Variants in KIAA0825 observed in about 807,000 individuals in gnomAD.
KIAA0825 encodes KIAA0825, also known as uncharacterized protein KIAA0825.
KIAA0825 carries 119 observed loss-of-function variants against 147.6 expected under a neutral mutation model. The observed-to-expected ratio is 0.81, with a 90% confidence interval of 0.69 to 0.94. KIAA0825 has a LOEUF of 0.94. KIAA0825 is among the 40% of genes least tolerant of loss of function. The pLI is 0.00. For missense variants in KIAA0825, 1,381 were observed against 1,472.7 expected (o/e 0.94, Z 1.02); for synonymous variants, 470 against 518.1 (o/e 0.91, Z 1.26).
rs552709459 is a variant in KIAA0825, at chr5:94,490,636, T to C, written c.971-5706A>G. ...TGCGCACAGATATTTACAAAACTGT[T>C]ACCCTACATTTTTAAAAAAGTCTTC... On this transcript the variant is annotated intron_variant, in intron 5 of 20. Transcript: ENST00000682413. 5.3e-5 allele frequency among the ~76,000 whole-genome samples: 8 copies of C among 151,990 alleles called. No homozygotes were observed. In the South Asian group the frequency reaches 1.7e-3, roughly 32 times the overall value.
chr5:94,241,284 T>C (rs573257243), intron 20 of KIAA0825, among the ~76,000 whole-genome samples: 1 of 152,310 alleles, frequency 6.6e-6, no homozygotes, highest in African/African-American at 2.4e-5. Flanking sequence ...CTGAAGCAAG[T>C]TTTAGGTTCC....
intron 5 of KIAA0825, chr5:94,519,869 T>C (rs1386402623): frequency 2.6e-5 from 15 of 566,692 alleles, no homozygotes; most frequent in African/African-American, 4.1e-5. Context: ...TATGTGCTTA[T>C]ATATATGCGT....
chr5:94,598,432 T>C (rs1192381531), intron 1 of KIAA0825, among the ~76,000 whole-genome samples: 1 of 152,066 alleles, frequency 6.6e-6, no homozygotes, highest in African/African-American at 2.4e-5. Flanking sequence ...TTCTGAAATA[T>C]TCTATAACAA....
At chr5:94,216,946 T>C (rs1374141495) in intron 20 of KIAA0825, among the ~76,000 whole-genome samples, 1 of 152,186 alleles carries the variant, frequency 6.6e-6, no homozygotes, top group African/African-American at 2.4e-5. Flanking sequence ...CATTTACACA[T>C]TTACTCCTTA....
chr5:94,513,089 T>C (rs1766734477), intron 5 of KIAA0825, among the ~76,000 whole-genome samples: 1 of 152,156 alleles, frequency 6.6e-6, no homozygotes, highest in African/African-American at 2.4e-5. Flanking sequence ...TATTGAATAG[T>C]TGCAAGATAA....
At chr5:94,439,853 C>T (rs1189828472) in intron 14 of KIAA0825, 129 bp downstream of exon 14, 2 of 953,696 alleles carry the variant, frequency 2.1e-6, no homozygotes, top group Admixed American at 6.1e-5. Flanking sequence ...CTGCTGCTAA[C>T]CCAGCTGAAT....
intron 20 of KIAA0825, among the ~76,000 whole-genome samples, chr5:94,205,268 CATATATATATATATATAT>C (rs5869623): frequency 4.4e-5 from 4 of 90,308 alleles, no homozygotes; most frequent in East Asian, 2.9e-4. Context: ...ACTATTTAAT[CATATATATATATATATAT>C]ATATATATAT....
chr5:94,315,946 G>A (rs562771952), intron 20 of KIAA0825, among the ~76,000 whole-genome samples: 1 of 151,814 alleles, frequency 6.6e-6, no homozygotes, highest in East Asian at 1.9e-4. Context: ...TGGCAAGGGT[G>A]CTACTTCCTT....
At chr5:94,487,784 A>C (rs1274744557) in intron 5 of KIAA0825, among the ~76,000 whole-genome samples, 1 of 152,028 alleles carries the variant, frequency 6.6e-6, no homozygotes, top group Non-Finnish European at 1.5e-5. Context: ...AAATACCAAA[A>C]CAAACAAACA....
At chr5:94,501,122 C>T (rs903265109) in intron 5 of KIAA0825, among the ~76,000 whole-genome samples, 5 of 152,076 alleles carry the variant, frequency 3.3e-5, no homozygotes, top group Non-Finnish European at 7.4e-5. Flanking sequence ...TTATATGAGG[C>T]ACATTAAAGA....
At chr5:94,483,976 A>G (rs1762767639) in intron 6 of KIAA0825, among the ~76,000 whole-genome samples, 1 of 151,606 alleles carries the variant, frequency 6.6e-6, no homozygotes, top group African/African-American at 2.4e-5. Flanking sequence ...GGCATATGGT[A>G]TCACGTAAAG....
intron 5 of KIAA0825, chr5:94,519,141 A>C (rs1167354428): frequency 3.8e-6 from 3 of 796,774 alleles, no homozygotes; most frequent in Non-Finnish European, 4.6e-6. Flanking sequence ...CTGCAATGAG[A>C]TATAGCTTCT....
intron 1 of KIAA0825, among the ~76,000 whole-genome samples, chr5:94,614,664 T>C (rs1237972730): frequency 1.3e-5 from 2 of 152,098 alleles, no homozygotes; most frequent in Non-Finnish European, 2.9e-5. Flanking sequence ...ACAAACTCAA[T>C]ATTACCTTTT....
chr5:94,329,085 A>T (rs1265411589), intron 20 of KIAA0825, among the ~76,000 whole-genome samples: 4 of 152,120 alleles, frequency 2.6e-5, no homozygotes, highest in Non-Finnish European at 4.4e-5. Context: ...AACCCAAAGA[A>T]ATGGAAATTT....
At chr5:94,488,105 G>A (rs1763276930) in intron 5 of KIAA0825, among the ~76,000 whole-genome samples, 1 of 152,180 alleles carries the variant, frequency 6.6e-6, no homozygotes, top group Admixed American at 6.5e-5. Flanking sequence ...TGTGTTTTTA[G>A]TAGAGACGGT....
At chr5:94,410,156 A>T (rs958851457) in intron 15 of KIAA0825, among the ~76,000 whole-genome samples, 5 of 151,518 alleles carry the variant, frequency 3.3e-5, no homozygotes, top group African/African-American at 1.2e-4. Flanking sequence ...TACCTGTAAT[A>T]AAAATTCACC....
intron 16 of KIAA0825, among the ~76,000 whole-genome samples, chr5:94,402,812 A>G (rs138167874): frequency 3.3e-5 from 5 of 151,256 alleles, no homozygotes; most frequent in African/African-American, 4.9e-5. Flanking sequence ...GATGAATATG[A>G]AAGAAAAAAG....
At chr5:94,438,540 G>A (rs1409167336) in intron 14 of KIAA0825, among the ~76,000 whole-genome samples, 2 of 152,044 alleles carry the variant, frequency 1.3e-5, no homozygotes, top group African/African-American at 2.4e-5. Flanking sequence ...GCTTGGGAGG[G>A]AGCAAGCTCT....
chr5:94,529,298 T>C (rs1157056318), intron 3 of KIAA0825, among the ~76,000 whole-genome samples: 2 of 140,754 alleles, frequency 1.4e-5, no homozygotes, highest in Admixed American at 7.2e-5. Context: ...GTATATATCA[T>C]ATATATGTAT....
Sources: gnomAD v4.1 joint callset for allele counts (sites outside exome capture counted in the v4.1 genomes callset) on GRCh38, gnomAD v4.1.1 for gene constraint, MANE v1.5 for transcripts, NCBI Gene and HGNC (gene_info 2026-07-23, HGNC 2026-07-21) for gene names.